Variants in GPM6A observed in about 807,000 individuals in gnomAD.
GPM6A encodes the protein glycoprotein M6A, also known as neuronal membrane glycoprotein M6-a.
Under a neutral mutation model 32.1 loss-of-function variants are expected in GPM6A, and 7 were observed. That is an observed-to-expected ratio of 0.22 (90% CI 0.12 to 0.41). The LOEUF (loss-of-function observed/expected upper bound fraction) is 0.41. GPM6A is among the 10% of genes least tolerant of loss of function. GPM6A has a pLI of 1.00. For missense variants in GPM6A, 235 were observed against 347.2 expected, an observed-to-expected ratio of 0.68 and a Z score of 2.57; for synonymous variants, 130 against 123.4, an observed-to-expected ratio of 1.05 and a Z score of -0.35.
intron 1 of GPM6A, among the ~76,000 whole-genome samples, chr4:175,918,079 C>T (rs1738551492): frequency 6.6e-6 from 1 of 151,392 alleles, no homozygotes; most frequent in Admixed American, 6.6e-5. Context: ...ATCTTGATTC[C>T]CACAATGAAA....
intron 1 of GPM6A, among the ~76,000 whole-genome samples, chr4:175,914,121 A>T (rs1448452200): frequency 6.6e-6 from 1 of 151,596 alleles, no homozygotes; most frequent in Non-Finnish European, 1.5e-5. Context: ...GGGAGGAAAA[A>T]GTGGGCAGGA....
At position 175,841,751 on chromosome 4, in the gene GPM6A, T is replaced by G. The variant is rs542158890; in HGVS notation, c.-22-29502A>C. Among the ~76,000 whole-genome samples the G allele has an allele frequency of 4.7e-5, 7 of 149,404 alleles. No homozygotes were observed. In the East Asian group the frequency reaches 1.4e-3, roughly 29 times the overall value. ...TGTTAGCCTGTTTTATAACATAACA[T>G]TTTTATAAATGGAGGGATTATAAGG... On this transcript the variant is annotated intron_variant, in intron 1 of 7. Coordinates refer to the GPM6A transcript ENST00000280187.
Position 175,945,607 on chromosome 4 carries a change from T to C in GPM6A, c.-23+56702A>G, listed in dbSNP as rs192266747. Among the ~76,000 whole-genome samples, 277 of 151,430 alleles carry C rather than the reference T, an allele frequency of 1.8e-3. 2 individuals are homozygous for C. The highest frequency in any genetic ancestry group is 2.7e-3 in the Non-Finnish European group (185 of 67,868). ...CCATATTACTTAGTTGTAATATAAC[T>C]TATAAGAAACATGTTATATAAGTTG... On this transcript the variant is annotated intron_variant, in intron 1 of 7. Transcript: ENST00000280187.
intron 1 of GPM6A, among the ~76,000 whole-genome samples, chr4:175,718,904 A>G (rs1745975383): frequency 6.6e-6 from 1 of 152,152 alleles, no homozygotes; most frequent in Admixed American, 6.5e-5. Flanking sequence ...TAAAATAAAT[A>G]CTGATTATGA....
chr4:175,644,675 T>G (rs879540789), intron 4 of GPM6A, among the ~76,000 whole-genome samples: 1 of 152,050 alleles, frequency 6.6e-6, no homozygotes, highest in Admixed American at 6.6e-5. Context: ...CACCAAAAAT[T>G]AAGAACATTA....
At position 175,774,168 on chromosome 4, in the gene GPM6A, T is replaced by C. The variant is rs527587592; in HGVS notation, c.37+38023A>G. On this transcript the variant is annotated intron_variant, in intron 1 of 6. Coordinates refer to ENST00000393658, the MANE Select transcript of GPM6A (RefSeq NM_201591.3). ...ACCTTAGATGTTTGTTCAGTAAAAG[T>C]ATGAAGTGTCTATCAAGTCCAGTGA... is the stretch of plus-strand genomic sequence containing the variant. Among the ~76,000 whole-genome samples, 8 of 152,196 alleles carry C rather than the reference T, an allele frequency of 5.3e-5. No homozygotes were observed. In the East Asian group the frequency reaches 1.5e-3, roughly 29 times the overall value.
rs891606214 is a variant in GPM6A, at chr4:175,657,456, T to G, written c.388-5469A>C. Reference sequence around the variant, plus strand: ...CTCATAGATATCCAGTGTTAAGAACTCTTTCTATATTGGAATCAAAGGAGA... The same window carrying G: ...CTCATAGATATCCAGTGTTAAGAACGCTTTCTATATTGGAATCAAAGGAGA... On this transcript the variant is annotated intron_variant, in intron 3 of 6. Coordinates refer to ENST00000393658, the MANE Select transcript of GPM6A (RefSeq NM_201591.3). 4.7e-4 allele frequency among the ~76,000 whole-genome samples: 71 copies of G among 151,880 alleles called. 1 individual carries two copies. The highest frequency in any genetic ancestry group is 8.9e-5 in the Non-Finnish European group (6 of 67,790).
intron 1 of GPM6A, among the ~76,000 whole-genome samples, chr4:175,918,268 T>C (rs1321089802): frequency 6.6e-6 from 1 of 152,140 alleles, no homozygotes; most frequent in African/African-American, 2.4e-5. Context: ...CAAAAATATA[T>C]GCTAGGAATT....
At chr4:175,849,601 A>G (rs1208947627) in intron 1 of GPM6A, among the ~76,000 whole-genome samples, 2 of 152,226 alleles carry the variant, frequency 1.3e-5, no homozygotes, top group African/African-American at 2.4e-5. Flanking sequence ...TGACAAAAAG[A>G]TGAAAACAGT....
intron 1 of GPM6A, among the ~76,000 whole-genome samples, chr4:175,959,123 T>A (rs1428379794): frequency 1.3e-5 from 2 of 151,942 alleles, no homozygotes; most frequent in African/African-American, 4.8e-5. Context: ...ATTCAAGAAA[T>A]AGTGACTAAA....
intron 1 of GPM6A, chr4:175,790,483 A>G (rs1489672022): frequency 1.3e-5 from 2 of 152,182 alleles, no homozygotes; most frequent in African/African-American, 4.8e-5. Context: ...GATTCTTTTT[A>G]TCCTCTGCCT....
intron 1 of GPM6A, among the ~76,000 whole-genome samples, chr4:175,833,502 C>G (rs1735677055): frequency 6.6e-6 from 1 of 152,148 alleles, no homozygotes. Flanking sequence ...GCTTTTATAT[C>G]TTCCTAGATA....
At chr4:175,961,200 G>A (rs763377485) in intron 1 of GPM6A, 7 of 152,050 alleles carry the variant, frequency 4.6e-5, no homozygotes, top group Non-Finnish European at 7.4e-5. Context: ...TCATCCTCTC[G>A]AAATATGCAA....
At chr4:175,858,263 G>A (rs546753881) in intron 1 of GPM6A, among the ~76,000 whole-genome samples, 27 of 152,316 alleles carry the variant, frequency 1.8e-4, no homozygotes, top group Admixed American at 1.3e-3. Flanking sequence ...TGGACGCTGC[G>A]GCTCTTGCCT....
chr4:175,802,897 C>T (rs536180991), intron 1 of GPM6A, among the ~76,000 whole-genome samples: 11 of 152,124 alleles, frequency 7.2e-5, no homozygotes, highest in African/African-American at 2.6e-4. Context: ...TATTCATTTT[C>T]AAGAAAGCTG....
At chr4:175,978,633 A>T (rs186601668) in intron 1 of GPM6A, among the ~76,000 whole-genome samples, 1 of 152,324 alleles carries the variant, frequency 6.6e-6, no homozygotes, top group Admixed American at 6.5e-5. Context: ...AAAAACAAAT[A>T]ATATGGCAAT....
chr4:175,881,302 T>C (rs1181709372), intron 1 of GPM6A, among the ~76,000 whole-genome samples: 2 of 152,214 alleles, frequency 1.3e-5, no homozygotes, highest in Non-Finnish European at 2.9e-5. Flanking sequence ...AGATATCATC[T>C]CACACCAGTT....
At chr4:176,002,247 A>ATT in intron 1 of GPM6A, 1 of 1,533,762 alleles carries the variant, frequency 6.5e-7, no homozygotes, top group Non-Finnish European at 8.9e-7. Context: ...TTTTCTTTCT[A>ATT]TAATGCCCAT....
chr4:175,955,886 A>G (rs145264463), intron 1 of GPM6A, among the ~76,000 whole-genome samples: 1 of 152,276 alleles, frequency 6.6e-6, no homozygotes, highest in Admixed American at 6.5e-5. Flanking sequence ...TGGTCTATGG[A>G]GAGCCCATTG....
Sources: gnomAD v4.1 joint callset for allele counts (sites outside exome capture counted in the v4.1 genomes callset) on GRCh38, gnomAD v4.1.1 for gene constraint, MANE v1.5 for transcripts, NCBI Gene and HGNC (gene_info 2026-07-23, HGNC 2026-07-21) for gene names.